The following PTPRN2 variants were observed in gnomAD, a reference collection of about 807,000 sequenced individuals.
The protein encoded by PTPRN2 is receptor-type tyrosine-protein phosphatase N2.
PTPRN2 carries 74 observed loss-of-function variants against 118.8 expected under a neutral mutation model. The observed-to-expected ratio is 0.62, with a 90% confidence interval of 0.52 to 0.76. The LOEUF (loss-of-function observed/expected upper bound fraction) is 0.76, where lower values mean the gene tolerates loss of function less well. Ranked by LOEUF, PTPRN2 falls within the 30% of genes least tolerant of loss-of-function variation. The pLI is 0.00. For missense variants in PTPRN2, 1,481 were observed against 1,394.4 expected (o/e 1.06, Z -0.99); for synonymous variants, 641 against 608.0 (o/e 1.05, Z -0.80).
In PTPRN2 at chr7:158,270,902, A is replaced by G. The variant is rs1480490982; in HGVS notation, c.277+45917T>C. Among the ~76,000 whole-genome samples the G allele has an allele frequency of 6.9e-3, 148 of 21,402 alleles. 14 individuals carry two copies. Among genetic ancestry groups the G allele is most frequent in the African/African-American group, 0.021 (100 of 4,696 alleles). The allele number at this position is 21,402 out of a possible 152,430, so 14.0% of individuals were successfully genotyped here. A position where few individuals can be genotyped will look rare whatever the true frequency, so the allele number is the denominator to read the frequency against. On this transcript the variant is annotated intron_variant, in intron 3 of 22. Coordinates refer to ENST00000389418, the MANE Select transcript of PTPRN2 (RefSeq NM_002847.5). ...CACCTGGATGACCCCCTCCACCTGGACCACCCCCCCCACCTGGACCACCCC... is the reference window on the plus strand; with the variant it reads ...CACCTGGATGACCCCCTCCACCTGGGCCACCCCCCCCACCTGGACCACCCC...
At chr7:158,041,803 T>C (rs1429678388) in intron 11 of PTPRN2, among the ~76,000 whole-genome samples, 1 of 152,230 alleles carries the variant, frequency 6.6e-6, no homozygotes, top group South Asian at 2.1e-4. Context: ...ATCTTGGTGA[T>C]TCTGAGGCCA....
intron 11 of PTPRN2, among the ~76,000 whole-genome samples, chr7:158,054,350 A>G (rs529070184): frequency 7.9e-5 from 12 of 152,344 alleles, no homozygotes; most frequent in Non-Finnish European, 4.4e-5. Flanking sequence ...GGTTGGGGAC[A>G]GGACACTCCT....
intron 11 of PTPRN2, among the ~76,000 whole-genome samples, chr7:157,935,168 T>G (rs1041036115): frequency 1.3e-5 from 2 of 152,180 alleles, no homozygotes; most frequent in African/African-American, 2.4e-5. Context: ...TCTCTGAGCT[T>G]CTTCTTTTTC....
rs565526817 is a variant in PTPRN2 at position 157,974,881 on chromosome 7, C to A, written c.1724-76144G>T. 6.6e-6 allele frequency among the ~76,000 whole-genome samples: 1 copy of A among 152,184 alleles called. No individual in the cohort carries two copies. The highest frequency in any genetic ancestry group is 6.5e-5 in the Admixed American group (1 of 15,300). ...AAGAGGTGCCCACGTCCATCCCCAGCCCCTCAGGCATGTTCACCATCATGG... is the reference window on the plus strand; with the variant it reads ...AAGAGGTGCCCACGTCCATCCCCAGACCCTCAGGCATGTTCACCATCATGG... On this transcript the variant is annotated intron_variant, in intron 11 of 22. Coordinates refer to ENST00000389418, the MANE Select transcript of PTPRN2 (RefSeq NM_002847.5). The surrounding 1 kb of genome is among the most constrained non-coding windows in gnomAD (Gnocchi z 4.0).
At chr7:157,791,936 T>C (rs1034147846) in intron 12 of PTPRN2, among the ~76,000 whole-genome samples, 2 of 152,196 alleles carry the variant, frequency 1.3e-5, no homozygotes, top group African/African-American at 4.8e-5. Context: ...ACGGAAAATA[T>C]GTGCGGCTTT....
intron 2 of PTPRN2, 151 bp from the exon 3 acceptor site, chr7:158,317,083 G>A: frequency 1.8e-6 from 1 of 562,790 alleles, no homozygotes; most frequent in Non-Finnish European, 3.1e-6. Flanking sequence ...GGACCCGGGA[G>A]CACCCGGAGG....
chr7:157,686,728 G>A (rs1241241001), intron 12 of PTPRN2, among the ~76,000 whole-genome samples: 12 of 152,128 alleles, frequency 7.9e-5, no homozygotes, highest in Non-Finnish European at 1.6e-4. Context: ...TCTGTACAGC[G>A]GCAGCTCAAT....
intron 11 of PTPRN2, among the ~76,000 whole-genome samples, chr7:158,071,395 T>A (rs1585336644): frequency 1.0e-4 from 8 of 78,116 alleles, no homozygotes; most frequent in East Asian, 4.2e-4. Flanking sequence ...GTGGTGGAGG[T>A]GCTCGTGGTG....
intron 4 of PTPRN2, among the ~76,000 whole-genome samples, chr7:158,203,267 A>G (rs1166048400): frequency 3.4e-5 from 5 of 148,734 alleles, no homozygotes; most frequent in Non-Finnish European, 7.5e-5. Context: ...GGAAAGAAAG[A>G]GGAAAGAAAA....
chr7:157,848,943 C>T (rs2151200753), intron 12 of PTPRN2, among the ~76,000 whole-genome samples: 2 of 152,364 alleles, frequency 1.3e-5, no homozygotes, highest in Middle Eastern at 6.8e-3. Context: ...ACAGGGGCTG[C>T]CTTCTGGACA....
At chr7:158,561,113 C>T (rs1369483927) in intron 1 of PTPRN2, among the ~76,000 whole-genome samples, 1 of 152,196 alleles carries the variant, frequency 6.6e-6, no homozygotes, top group Non-Finnish European at 1.5e-5. Context: ...TTGATGAATA[C>T]TTGATCAAGT....
At chr7:158,436,353 G>C (rs28507087) in intron 2 of PTPRN2, among the ~76,000 whole-genome samples, 8 of 144,148 alleles carry the variant, frequency 5.5e-5, no homozygotes, top group East Asian at 4.3e-4. Flanking sequence ...CTGTCTTTTC[G>C]TAGGAGTCAT....
intron 8 of PTPRN2, among the ~76,000 whole-genome samples, chr7:158,135,096 A>G (rs976699007): frequency 1.3e-5 from 2 of 152,218 alleles, no homozygotes; most frequent in African/African-American, 4.8e-5. Context: ...TGTGATGCCA[A>G]AAGTCTTATG....
At chr7:157,540,856 C>T in intron 22 of PTPRN2, 71 bp from the exon 23 acceptor site, 4 of 1,275,714 alleles carry the variant, frequency 3.1e-6, no homozygotes, top group Non-Finnish European at 4.4e-6. Context: ...AGCGTCGGCT[C>T]CCTGCAGATG....
chr7:158,391,574 C>G lies in PTPRN2; in HGVS notation c.164-74642G>C, dbSNP rs988169564. Among the ~76,000 whole-genome samples the G allele has an allele frequency of 2.0e-5, 3 of 152,318 alleles. No homozygotes were observed. In the South Asian group the frequency reaches 6.2e-4, roughly 32 times the overall value. Reference sequence around the variant, plus strand: ...TATGATGAGAAATGCCCACCTACCCCGCAGGAGGAGAGGCCTTCCCACATT... The same window carrying G: ...TATGATGAGAAATGCCCACCTACCCGGCAGGAGGAGAGGCCTTCCCACATT... On this transcript the variant is annotated intron_variant, in intron 2 of 22. Coordinates refer to ENST00000389418, the MANE Select transcript of PTPRN2 (RefSeq NM_002847.5).
At chr7:158,373,234 G>C (rs1563214511) in intron 2 of PTPRN2, among the ~76,000 whole-genome samples, 1 of 152,254 alleles carries the variant, frequency 6.6e-6, no homozygotes, top group African/African-American at 2.4e-5. Flanking sequence ...TATGGAAATA[G>C]AGTGCCAAAT....
At chr7:157,936,468 C>T (rs770321854) in intron 11 of PTPRN2, among the ~76,000 whole-genome samples, 9 of 152,200 alleles carry the variant, frequency 5.9e-5, no homozygotes, top group South Asian at 2.1e-4. Context: ...TTCTCTTCCA[C>T]GGAGGCACCT....
intron 1 of PTPRN2, among the ~76,000 whole-genome samples, chr7:158,514,881 C>T (rs900266385): frequency 5.9e-5 from 9 of 152,158 alleles, no homozygotes; most frequent in African/African-American, 1.2e-4. Context: ...GTCACTGGCA[C>T]GTGTGTGGTT....
In PTPRN2 at chr7:158,407,163, T is replaced by TGCGTCCCGGGTCCC. The variant is rs1813545959; in HGVS notation, c.163+82571_163+82572insGGGACCCGGGACGC. On this transcript the variant is annotated intron_variant, in intron 2 of 22. Transcript: ENST00000389418. ...GTCCTGCGTCCTGGGTCCTGGGTCC[T>TGCGTCCCGGGTCCC]GGGTCCTGCGTCCTGCGTCCTGGGT... 5.2e-5 allele frequency among the ~76,000 whole-genome samples: 5 copies of TGCGTCCCGGGTCCC among 95,654 alleles called. 1 individual carries two copies. The highest frequency in any genetic ancestry group is 1.2e-4 in the Admixed American group (1 of 8,148). 62.8% of individuals were successfully genotyped at this position (95,654 alleles called of 152,430 possible).
Sources: gnomAD v4.1 joint callset for allele counts (sites outside exome capture counted in the v4.1 genomes callset) on GRCh38, gnomAD v4.1.1 for gene constraint, Gnocchi (gnomAD v3.1) non-coding constraint, MANE v1.5 for transcripts, NCBI Gene and HGNC (gene_info 2026-07-23, HGNC 2026-07-21) for gene names.